ASIC2: variants seen among roughly 807,000 people sequenced by gnomAD.
ASIC2 encodes the protein acid sensing ion channel subunit 2.
A neutral mutation model predicts 57.3 loss-of-function variants in ASIC2; 25 were observed. That is an observed-to-expected ratio of 0.44 (90% confidence interval 0.32 to 0.61). The LOEUF (loss-of-function observed/expected upper bound fraction) is 0.61. ASIC2 is among the 20% of genes least tolerant of loss of function. The probability of loss-of-function intolerance (pLI) is 0.06; values close to 1 mark genes in which losing one functional copy is unlikely to be tolerated. For missense variants in ASIC2, 641 were observed against 738.1 expected, an observed-to-expected ratio of 0.87 and a Z score of 1.52; for synonymous variants, 319 against 307.5, an observed-to-expected ratio of 1.04 and a Z score of -0.39.
chr17:33,189,446 T>A (rs1906328097), intron 1 of ASIC2, among the ~76,000 whole-genome samples: 1 of 152,092 alleles, frequency 6.6e-6, no homozygotes, highest in Admixed American at 6.6e-5. Context: ...GGAAAACAAA[T>A]GAGTTGGCAG....
intron 1 of ASIC2, among the ~76,000 whole-genome samples, chr17:34,112,090 A>G (rs926376220): frequency 2.6e-5 from 4 of 152,216 alleles, no homozygotes; most frequent in Non-Finnish European, 4.4e-5. Context: ...TCATTGTTAC[A>G]AAGTTGTATT....
intron 1 of ASIC2, among the ~76,000 whole-genome samples, chr17:33,790,023 G>A: frequency 6.6e-6 from 1 of 152,218 alleles, no homozygotes; most frequent in Non-Finnish European, 1.5e-5. Flanking sequence ...TTCTTCCAAT[G>A]ATGAGACATG....
At chr17:33,762,177 G>A (rs1910804702) in intron 1 of ASIC2, among the ~76,000 whole-genome samples, 1 of 152,152 alleles carries the variant, frequency 6.6e-6, no homozygotes, top group Admixed American at 6.5e-5. Flanking sequence ...AGGTGGCACA[G>A]CCCTGGAGGA....
intron 1 of ASIC2, chr17:33,793,002 A>C (rs1190650231): frequency 6.6e-6 from 1 of 152,216 alleles, no homozygotes. Context: ...GACTTTGACT[A>C]ATGTTTTAGT....
At chr17:33,355,642 A>G (rs7224450) in intron 1 of ASIC2, among the ~76,000 whole-genome samples, 18,297 of 152,192 alleles carry the variant, frequency 0.12, 1,243 homozygotes, top group Middle Eastern at 0.19. Context: ...CTCTGTTCCC[A>G]TAACAACCCT....
At chr17:33,583,001 T>C (rs1489506130) in intron 1 of ASIC2, among the ~76,000 whole-genome samples, 1 of 151,984 alleles carries the variant, frequency 6.6e-6, no homozygotes, top group African/African-American at 2.4e-5. Context: ...CTGGGTGGGG[T>C]TGGGCTGGCT....
At chr17:33,771,019 G>A (rs1008975896) in intron 1 of ASIC2, among the ~76,000 whole-genome samples, 3 of 152,112 alleles carry the variant, frequency 2.0e-5, no homozygotes, top group African/African-American at 7.2e-5. Context: ...GGGGATTGGG[G>A]GACTGATCAC....
chr17:33,535,745 A>G (rs2141964535), intron 1 of ASIC2, among the ~76,000 whole-genome samples: 1 of 152,354 alleles, frequency 6.6e-6, no homozygotes, highest in South Asian at 2.1e-4. Context: ...AGAACAAAGA[A>G]AGATAAAATT....
intron 1 of ASIC2, among the ~76,000 whole-genome samples, chr17:33,161,994 C>T (rs1905177511): frequency 6.6e-6 from 1 of 151,428 alleles, no homozygotes; most frequent in Non-Finnish European, 1.5e-5. Context: ...AACCAAGATC[C>T]CTTCAGCTTC....
At chr17:33,372,249 A>C (rs578024956) in intron 1 of ASIC2, among the ~76,000 whole-genome samples, 3 of 151,866 alleles carry the variant, frequency 2.0e-5, no homozygotes, top group South Asian at 4.2e-4. Context: ...GATGTTAAGG[A>C]GGAGTGATAG....
intron 1 of ASIC2, among the ~76,000 whole-genome samples, chr17:33,439,351 G>A (rs2141983123): frequency 6.6e-6 from 1 of 152,320 alleles, no homozygotes; most frequent in South Asian, 2.1e-4. Context: ...TTTTCATTTT[G>A]GACGGGGGGA....
chr17:33,216,258 T>C (rs1168320840), intron 1 of ASIC2, among the ~76,000 whole-genome samples: 3 of 152,198 alleles, frequency 2.0e-5, no homozygotes, highest in East Asian at 1.9e-4. Context: ...AAATATGTCA[T>C]GATGTCTAAG....
intron 1 of ASIC2, among the ~76,000 whole-genome samples, chr17:33,693,017 T>C (rs1474948539): frequency 1.3e-5 from 2 of 152,228 alleles, no homozygotes; most frequent in African/African-American, 4.8e-5. Flanking sequence ...GTGTAGGTTA[T>C]GAGGTTATTA....
intron 1 of ASIC2, among the ~76,000 whole-genome samples, chr17:34,103,280 G>A (rs1910932108): frequency 6.6e-6 from 1 of 151,930 alleles, no homozygotes; most frequent in South Asian, 2.1e-4. Flanking sequence ...CAAGTAGCTG[G>A]GACCACAGGC....
At chr17:33,847,989 T>G (rs1229645327) in intron 1 of ASIC2, among the ~76,000 whole-genome samples, 4 of 152,106 alleles carry the variant, frequency 2.6e-5, no homozygotes, top group Non-Finnish European at 5.9e-5. Flanking sequence ...TTGTCTCTAC[T>G]TGACAGAAGA....
chr17:33,289,956 G>A (rs947502833), intron 1 of ASIC2, among the ~76,000 whole-genome samples: 1 of 152,164 alleles, frequency 6.6e-6, no homozygotes, highest in African/African-American at 2.4e-5. Context: ...CTTCAGCTTC[G>A]TGGAACTCAG....
Position 34,097,465 on chromosome 17 carries a change from T to G in ASIC2, c.555+58513A>C, listed in dbSNP as rs995832497. Among the ~76,000 whole-genome samples, 3 of 152,112 alleles carry G rather than the reference T, an allele frequency of 2.0e-5. No individual in the cohort carries two copies. The East Asian group carries it at 5.8e-4, about 29-fold the overall frequency. On this transcript the variant is annotated intron_variant, in intron 1 of 9. Transcript: ENST00000359872. ...CAGGTTGAAATCACAAACCTCAGAA[T>G]GATCCTATTTGGAAATAAGGTCATT...
At chr17:33,414,861 C>T (rs933631061) in intron 1 of ASIC2, among the ~76,000 whole-genome samples, 2 of 152,232 alleles carry the variant, frequency 1.3e-5, no homozygotes, top group East Asian at 3.8e-4. Context: ...TCTTCCTCTC[C>T]CCTGACCCCG....
chr17:34,094,287 T>C (rs1370199316), intron 1 of ASIC2, among the ~76,000 whole-genome samples: 4 of 152,160 alleles, frequency 2.6e-5, no homozygotes, highest in African/African-American at 7.2e-5. Flanking sequence ...CATTTAGCCT[T>C]ACGTGATAAC....
Sources: gnomAD v4.1 joint callset for allele counts (sites outside exome capture counted in the v4.1 genomes callset) on GRCh38, gnomAD v4.1.1 for gene constraint, MANE v1.5 for transcripts, NCBI Gene and HGNC (gene_info 2026-07-23, HGNC 2026-07-21) for gene names.